Variants in ADARB1 observed in about 807,000 individuals in gnomAD.
The protein encoded by ADARB1 is double-stranded RNA-specific editase 1.
In ADARB1, 10 loss-of-function variants were observed where a neutral mutation model predicts 52.4. The observed-to-expected ratio is 0.19, with a 90% CI of 0.12 to 0.32. ADARB1 has a LOEUF of 0.32. ADARB1 is among the 10% of genes least tolerant of loss of function. The pLI, the probability that ADARB1 is intolerant of heterozygous loss-of-function variation, is 1.00. For missense variants in ADARB1, 643 were observed against 922.3 expected (o/e 0.70, Z 3.92); for synonymous variants, 349 against 371.1 (o/e 0.94, Z 0.68).
chr21:45,102,828 AG>A (rs2087081274), intron 1 of ADARB1, among the ~76,000 whole-genome samples: 2 of 152,130 alleles, frequency 1.3e-5, no homozygotes, highest in African/African-American at 4.8e-5. Flanking sequence ...GTCTTCCAGG[AG>A]GTGGAGCACA....
intron 5 of ADARB1, 103 bp from the exon 6 acceptor site, chr21:45,182,482 T>C: frequency 7.6e-7 from 1 of 1,318,798 alleles, no homozygotes; most frequent in Admixed American, 2.8e-5. Context: ...TGTTGGCCCC[T>C]GAAAAGTTAA....
intron 8 of ADARB1, among the ~76,000 whole-genome samples, chr21:45,191,849 CATATATATATATATATAT>C (rs1182713084): frequency 2.2e-4 from 19 of 87,498 alleles, no homozygotes; most frequent in African/African-American, 1.0e-3. Context: ...ACATCCAGTC[CATATATATATATATATAT>C]ATATATATAT....
chr21:45,202,798 A>G (rs1032269400), intron 8 of ADARB1, among the ~76,000 whole-genome samples: 13 of 150,452 alleles, frequency 8.6e-5, no homozygotes, highest in African/African-American at 4.9e-5. Flanking sequence ...CGCGTGCCAC[A>G]CTGTGCTGAG....
At chr21:45,153,678 A>G (rs2090417718) in intron 2 of ADARB1, among the ~76,000 whole-genome samples, 1 of 152,214 alleles carries the variant, frequency 6.6e-6, no homozygotes, top group Admixed American at 6.5e-5. Flanking sequence ...AGGTGACAGC[A>G]CCTAATGGAA....
chr21:45,184,448 A>ATTT, intron 7 of ADARB1: 8 of 141,682 alleles, frequency 5.6e-5, no homozygotes, highest in South Asian at 2.2e-4. Flanking sequence ...ATTTCATATA[A>ATTT]TTTTTTTTTT....
chr21:45,181,765 G>A (rs1171431785), intron 5 of ADARB1, among the ~76,000 whole-genome samples: 3 of 152,248 alleles, frequency 2.0e-5, no homozygotes, highest in Non-Finnish European at 2.9e-5. Context: ...GGTTCAGGGG[G>A]CTCCCGCTGG....
chr21:45,219,950 G>A (rs886696110), intron 9 of ADARB1, among the ~76,000 whole-genome samples: 3 of 150,558 alleles, frequency 2.0e-5, no homozygotes, highest in Non-Finnish European at 4.4e-5. Context: ...TGGCCAGTCA[G>A]CCTGTGCTTT....
At chr21:45,195,893 T>G (rs941566486) in intron 8 of ADARB1, among the ~76,000 whole-genome samples, 1 of 152,218 alleles carries the variant, frequency 6.6e-6, no homozygotes, top group African/African-American at 2.4e-5. Context: ...CTCTTCTGGA[T>G]TTCCCTTTTT....
At chr21:45,174,169 T>A (rs2091595880) in intron 3 of ADARB1, among the ~76,000 whole-genome samples, 1 of 152,216 alleles carries the variant, frequency 6.6e-6, no homozygotes, top group East Asian at 1.9e-4. Flanking sequence ...AAAGCCACCA[T>A]ATGGGGCACT....
At chr21:45,152,467 C>A in intron 2 of ADARB1, 1 of 236,974 alleles carries the variant, frequency 4.2e-6, no homozygotes. Flanking sequence ...GGGCCCGAGG[C>A]AGAGGAGGAG....
At chr21:45,214,806 A>G (rs1790190788) in intron 9 of ADARB1, among the ~76,000 whole-genome samples, 1 of 152,208 alleles carries the variant, frequency 6.6e-6, no homozygotes, top group African/African-American at 2.4e-5. Flanking sequence ...GAGGTCAGGT[A>G]GAGTTAGTCT....
chr21:45,154,387 T>A (rs531470034), intron 2 of ADARB1, among the ~76,000 whole-genome samples: 3 of 152,370 alleles, frequency 2.0e-5, no homozygotes, highest in African/African-American at 7.2e-5. Context: ...TTTGAAATTA[T>A]CGATATTATT....
chr21:45,088,764 A>G (rs114116873), intron 1 of ADARB1, among the ~76,000 whole-genome samples: 2,144 of 152,306 alleles, frequency 0.014, 48 homozygotes, highest in African/African-American at 0.05. Flanking sequence ...AAGCCAGCAG[A>G]CACCACGTCA....
At chr21:45,151,285 A>G (rs1285876486) in intron 2 of ADARB1, among the ~76,000 whole-genome samples, 2 of 152,270 alleles carry the variant, frequency 1.3e-5, no homozygotes, top group African/African-American at 4.8e-5. Flanking sequence ...ATGCTTACGC[A>G]GAGTGTGTCT....
intron 9 of ADARB1, among the ~76,000 whole-genome samples, chr21:45,214,350 A>G (rs1034599710): frequency 6.6e-6 from 1 of 152,194 alleles, no homozygotes; most frequent in Non-Finnish European, 1.5e-5. Context: ...AATTCTCTTC[A>G]TAGTGTCTTA....
chr21:45,204,720 C>G lies in ADARB1; in HGVS notation c.1731C>G (p.Asn577Lys). The change falls in exon 9 of 11, where the codon AAC becomes AAG. Residue 577 changes from asparagine (N) to lysine (K), a missense_variant. By Grantham distance (94) the Asn-to-Lys change is moderately conservative. Transcript: ENST00000348831. This position sits in a 1 kb window ranked among gnomAD's most constrained non-coding sequence, Gnocchi z 4.4. ...ACCTGCCACCTCTCTACACCCTCAACAAGCCTTTGCTCAGTGGCAAGTATC... is the reference window on the plus strand; with the variant it reads ...ACCTGCCACCTCTCTACACCCTCAAGAAGCCTTTGCTCAGTGGCAAGTATC... ...IEDLPPLYTL[N>K]KPLLSGISNA... 1 of 1,614,132 alleles carries G rather than the reference C, an allele frequency of 6.2e-7. No homozygotes were observed. Among genetic ancestry groups the G allele is most frequent in the East Asian group, 2.2e-5 (1 of 44,892 alleles).
rs569689394 is a variant in ADARB1, at chr21:45,224,857, G to C, written c.*2660G>C. 8 of 985,642 alleles carry C rather than the reference G, an allele frequency of 8.1e-6. No individual in the cohort carries two copies. The highest frequency in any genetic ancestry group is 1.8e-5 in the African/African-American group (1 of 57,082). The allele number at this position is 985,642 out of a possible 1,614,324, so 61.1% of individuals were successfully genotyped here. ...CGCTGACTCCTCCGTGAGACAGATCGGGGACCTTAGCACTTTAATCCCTCC... is the reference window on the plus strand; with the variant it reads ...CGCTGACTCCTCCGTGAGACAGATCCGGGACCTTAGCACTTTAATCCCTCC... On this transcript the variant is annotated 3_prime_UTR_variant, in exon 11 of 11. Transcript: ENST00000348831.
rs569723722 is a variant in ADARB1 at position 45,222,960 on chromosome 21, T to C, written c.*763T>C. The C allele has an allele frequency of 2.5e-5, 25 of 985,488 alleles. No individual in the cohort carries two copies. The East Asian group carries it at 2.4e-3, about 94-fold the overall frequency. The allele number at this position is 985,488 out of a possible 1,614,324, so 61.0% of individuals were successfully genotyped here. On this transcript the variant is annotated 3_prime_UTR_variant, in exon 11 of 11. Transcript: ENST00000348831. ...CTGTACTCCTTGTAGGATCAGATCA[T>C]GGAAAACTTTTCTCAGTTTACTTCT...
At position 45,176,232 on chromosome 21, in the gene ADARB1, C is replaced by T. The variant is rs751409944; in HGVS notation, c.531C>T (p.Phe177=). The T allele has an allele frequency of 6.2e-7, 1 of 1,614,224 alleles. No homozygotes were observed. Among genetic ancestry groups the T allele is most frequent in the Non-Finnish European group, 8.5e-7 (1 of 1,180,038 alleles). The change falls in exon 4 of 11, where the codon TTC becomes TTT. Residue 177 remains phenylalanine, a synonymous_variant. Transcript: ENST00000348831. This position sits in a 1 kb window ranked among gnomAD's most constrained non-coding sequence, Gnocchi z 5.8. ...SDQADFPDTL[F]NGFETPDKAE... Reference sequence around the variant, plus strand: ...AGGCCGACTTCCCTGACACGCTCTTCAATGGTTTTGAAACTCCTGACAAGG... The same window carrying T: ...AGGCCGACTTCCCTGACACGCTCTTTAATGGTTTTGAAACTCCTGACAAGG...
Sources: gnomAD v4.1 joint callset for allele counts (sites outside exome capture counted in the v4.1 genomes callset) on GRCh38, gnomAD v4.1.1 for gene constraint, Gnocchi (gnomAD v3.1) non-coding constraint, MANE v1.5 for transcripts, NCBI Gene and HGNC (gene_info 2026-07-23, HGNC 2026-07-21) for gene names.